ABCA13: variants seen among roughly 807,000 people sequenced by gnomAD.
ABCA13 encodes ATP binding cassette subfamily A member 13, also known as ATP-binding cassette sub-family A member 13.
In ABCA13, 476 loss-of-function variants were observed where a neutral mutation model predicts 478.7. The observed-to-expected ratio is 0.99, with a 90% CI of 0.92 to 1.07. ABCA13 has a LOEUF of 1.07. ABCA13 is among the 50% of genes least tolerant of loss of function. The pLI is 0.00. For synonymous variants in ABCA13, 2,252 were observed against 2,158.9 expected (o/e 1.04, Z -1.20); for missense variants, 6,060 against 5,910.6 (o/e 1.03, Z -0.83).
At chr7:48,527,686 A>T (rs1832973513) in intron 54 of ABCA13, among the ~76,000 whole-genome samples, 1 of 152,126 alleles carries the variant, frequency 6.6e-6, no homozygotes, top group Non-Finnish European at 1.5e-5. Context: ...ATTAGCTTAG[A>T]CTCTGAGTTA....
At chr7:48,470,484 C>G (rs1827363627) in intron 44 of ABCA13, among the ~76,000 whole-genome samples, 1 of 152,174 alleles carries the variant, frequency 6.6e-6, no homozygotes, top group Admixed American at 6.5e-5. Context: ...ATATCAGATA[C>G]AGTACTCTGA....
chr7:48,606,264 G>T lies in ABCA13; in HGVS notation c.14745-9021G>T, dbSNP rs193299189. On this transcript the variant is annotated intron_variant, in intron 58 of 61. Transcript: ENST00000435803. ...CCAGTTTTGTTCCCTTGATGGCGAG[G>T]AGTTGTGATCCTTTGGAGGAGAAGA... is the stretch of plus-strand genomic sequence containing the variant. Among the ~76,000 whole-genome samples the T allele has an allele frequency of 1.2e-3, 189 of 152,292 alleles. 1 individual carries two copies. Among genetic ancestry groups the T allele is most frequent in the Non-Finnish European group, 2.0e-3 (136 of 68,028 alleles).
chr7:48,485,640 A>G (rs1469843049), intron 47 of ABCA13, among the ~76,000 whole-genome samples: 1 of 152,268 alleles, frequency 6.6e-6, no homozygotes, highest in East Asian at 1.9e-4. Context: ...GTTCCTTGGA[A>G]CTCTGCAAGT....
intron 43 of ABCA13, among the ~76,000 whole-genome samples, chr7:48,466,658 A>G (rs1826907994): frequency 6.6e-6 from 1 of 152,208 alleles, no homozygotes; most frequent in South Asian, 2.1e-4. Context: ...TAAATATGTG[A>G]AAAATGGTGG....
rs1282592126 is a variant in ABCA13 at position 48,234,037 on chromosome 7, C to T, written c.783C>T (p.Ser261=). The part of the protein sequence containing the change: ...VAVTEPVYHL[S]MQNIVWDPQK... ...CAACAGAGCCAGTTTACCACCTGTC[C>T]ATGCAGAATATAGTGTGGGATCCAC... Residue 261 remains serine (S), a synonymous_variant, in exon 8 of 62, where the codon TCC becomes TCT. Transcript: ENST00000435803. The T allele has an allele frequency of 1.2e-6, 2 of 1,613,878 alleles. No homozygotes were observed. Among genetic ancestry groups the T allele is most frequent in the East Asian group, 2.2e-5 (1 of 44,892 alleles).
At chr7:48,437,837 C>T (rs1024366367) in intron 42 of ABCA13, among the ~76,000 whole-genome samples, 6 of 152,022 alleles carry the variant, frequency 3.9e-5, no homozygotes, top group Non-Finnish European at 8.8e-5. Context: ...GGCATGTAGC[C>T]TATCTGAGCC....
intron 59 of ABCA13, among the ~76,000 whole-genome samples, chr7:48,642,448 G>A (rs1292172555): frequency 1.3e-5 from 2 of 152,182 alleles, no homozygotes; most frequent in African/African-American, 2.4e-5. Context: ...ATATTTACCA[G>A]TGCTAGGTAC....
At chr7:48,267,275 T>C (rs1446403932) in intron 15 of ABCA13, among the ~76,000 whole-genome samples, 2 of 151,980 alleles carry the variant, frequency 1.3e-5, no homozygotes, top group East Asian at 3.8e-4. Context: ...TTGACTATAA[T>C]TGTACATTTT....
chr7:48,567,166 T>G (rs1421391695), intron 55 of ABCA13, among the ~76,000 whole-genome samples: 1 of 152,172 alleles, frequency 6.6e-6, no homozygotes, highest in Non-Finnish European at 1.5e-5. Flanking sequence ...ATAATCTAAG[T>G]AATTAAAAAT....
At chr7:48,465,284 G>T (rs572732808) in intron 43 of ABCA13, among the ~76,000 whole-genome samples, 2 of 152,322 alleles carry the variant, frequency 1.3e-5, no homozygotes, top group African/African-American at 4.8e-5. Flanking sequence ...TCCATTCTAT[G>T]TGTACGGTCA....
intron 15 of ABCA13, among the ~76,000 whole-genome samples, chr7:48,267,670 C>T (rs1025376796): frequency 2.0e-5 from 3 of 152,050 alleles, no homozygotes; most frequent in African/African-American, 7.2e-5. Context: ...GCAAAAACCA[C>T]AGTTACTTTT....
intron 58 of ABCA13, among the ~76,000 whole-genome samples, chr7:48,595,678 T>G (rs1272203786): frequency 6.6e-6 from 1 of 152,216 alleles, no homozygotes; most frequent in Non-Finnish European, 1.5e-5. Flanking sequence ...ATTGGACTAA[T>G]GGATGCCTGC....
At chr7:48,219,298 C>A in intron 3 of ABCA13, 56 bp from the exon 4 acceptor site, 1 of 1,532,966 alleles carries the variant, frequency 6.5e-7, no homozygotes, top group Non-Finnish European at 8.7e-7. Flanking sequence ...TAAAAAATGC[C>A]AAGGAAACTT....
At chr7:48,534,137 T>C (rs1833417040) in intron 55 of ABCA13, among the ~76,000 whole-genome samples, 1 of 152,172 alleles carries the variant, frequency 6.6e-6, no homozygotes, top group African/African-American at 2.4e-5. Flanking sequence ...GATTTAGAGC[T>C]TGTTTTAGCA....
At chr7:48,585,983 T>C (rs6951282) in intron 56 of ABCA13, among the ~76,000 whole-genome samples, 13,555 of 152,174 alleles carry the variant, frequency 0.089, 922 homozygotes, top group African/African-American at 0.19. Flanking sequence ...TGGGAAATGC[T>C]AAATAAAAGT....
chr7:48,473,316 A>C (rs1315372153), intron 45 of ABCA13, among the ~76,000 whole-genome samples: 4 of 152,122 alleles, frequency 2.6e-5, no homozygotes, highest in Admixed American at 2.6e-4. Context: ...CTCCCCGTGC[A>C]AGCTTCCTTA....
chr7:48,343,216 T>A (rs1807518748), intron 29 of ABCA13, among the ~76,000 whole-genome samples: 1 of 152,178 alleles, frequency 6.6e-6, no homozygotes, highest in Non-Finnish European at 1.5e-5. Context: ...CTCCTGATAG[T>A]GCTATATTCC....
At chr7:48,555,092 A>G (rs1360661029) in intron 55 of ABCA13, among the ~76,000 whole-genome samples, 1 of 151,888 alleles carries the variant, frequency 6.6e-6, no homozygotes, top group African/African-American at 2.4e-5. Flanking sequence ...TGAAATGATT[A>G]TATGGTGTTT....
intron 15 of ABCA13, among the ~76,000 whole-genome samples, chr7:48,255,702 A>G (rs1223679278): frequency 2.6e-5 from 4 of 152,008 alleles, no homozygotes; most frequent in Non-Finnish European, 4.4e-5. Flanking sequence ...TCTTTATCCA[A>G]TCAACTCTTG....
Sources: allele counts gnomAD v4.1 joint callset (sites outside exome capture counted in the v4.1 genomes callset), GRCh38; gene constraint gnomAD v4.1.1; transcripts MANE v1.5; gene names NCBI Gene and HGNC (gene_info 2026-07-23, HGNC 2026-07-21).